The following VIT variants were observed in gnomAD, a reference collection of about 807,000 sequenced individuals.
VIT encodes vitrin.
In VIT, 99 loss-of-function variants were observed where a neutral mutation model predicts 78.0. That is an observed-to-expected ratio of 1.27 (90% confidence interval 1.08 to 1.50). The LOEUF is 1.50. Among genes scored for constraint, VIT ranks in the 40% most tolerant of loss-of-function variants. The probability of loss-of-function intolerance (pLI) is 0.00; values close to 1 mark genes in which losing one functional copy is unlikely to be tolerated. For missense variants in VIT, 1,126 were observed against 875.3 expected, an observed-to-expected ratio of 1.29 and a Z score of -3.61; for synonymous variants, 374 against 334.3, an observed-to-expected ratio of 1.12 and a Z score of -1.29.
At chr2:36,809,825 G>A (rs1036171360) in intron 15 of VIT, among the ~76,000 whole-genome samples, 4 of 152,072 alleles carry the variant, frequency 2.6e-5, no homozygotes, top group Non-Finnish European at 5.9e-5. Context: ...AAGGAATTTC[G>A]ATTCAAAATA....
rs1346000664 is a variant in VIT, at chr2:36,787,113, T to C, written c.911-16T>C. 3.7e-6 allele frequency: 6 copies of C among 1,613,950 alleles called. No individual in the cohort carries two copies. The South Asian group carries it at 5.5e-5, about 15-fold the overall frequency. ...GAGAGATCATGAGAATAATAGAGTCTTTTTCCGTTCCGCAGACTGCAAAAT... is the reference window on the plus strand; with the variant it reads ...GAGAGATCATGAGAATAATAGAGTCCTTTTCCGTTCCGCAGACTGCAAAAT... On this transcript the variant is annotated splice_polypyrimidine_tract_variant and intron_variant, in intron 11 of 15. Coordinates refer to ENST00000379242, the MANE Select transcript of VIT (RefSeq NM_053276.4).
intron 1 of VIT, among the ~76,000 whole-genome samples, chr2:36,702,519 G>C (rs1404406113): frequency 6.6e-6 from 1 of 152,140 alleles, no homozygotes; most frequent in African/African-American, 2.4e-5. Context: ...TGATATTCAA[G>C]CTTAAAGTCT....
At chr2:36,760,164 G>T (rs6544034) in intron 6 of VIT, among the ~76,000 whole-genome samples, 144,684 of 151,994 alleles carry the variant, frequency 0.95, 69,276 homozygotes, top group East Asian at 1. Context: ...CCGGCTAATA[G>T]TTGTATTTTT....
At chr2:36,698,748 A>G (rs540601170) in intron 1 of VIT, among the ~76,000 whole-genome samples, 1 of 152,284 alleles carries the variant, frequency 6.6e-6, no homozygotes. Context: ...GTTCGAGACC[A>G]GCCTGGCCAA....
At chr2:36,796,223 A>G (rs1285294844) in intron 12 of VIT, among the ~76,000 whole-genome samples, 6 of 152,196 alleles carry the variant, frequency 3.9e-5, no homozygotes, top group Non-Finnish European at 7.3e-5. Flanking sequence ...CTCAGCTAAT[A>G]TCTTATTATA....
At chr2:36,702,997 G>C (rs373717550) in intron 1 of VIT, among the ~76,000 whole-genome samples, 1 of 152,162 alleles carries the variant, frequency 6.6e-6, no homozygotes. Flanking sequence ...ACAACCCCAG[G>C]CTGACTCTGT....
At chr2:36,768,049 C>A (rs1386458261) in intron 7 of VIT, among the ~76,000 whole-genome samples, 1 of 152,192 alleles carries the variant, frequency 6.6e-6, no homozygotes, top group Non-Finnish European at 1.5e-5. Context: ...CTCCAGCTTG[C>A]AGTCACTACT....
chr2:36,787,090 G>C (rs1665149432), intron 11 of VIT, 39 bp from the exon 12 acceptor site: 2 of 1,611,188 alleles, frequency 1.2e-6, no homozygotes, highest in African/African-American at 1.3e-5. Flanking sequence ...AATGCAGTGA[G>C]AGATCATGAG....
intron 1 of VIT, among the ~76,000 whole-genome samples, chr2:36,700,958 A>G (rs1350065101): frequency 6.6e-6 from 1 of 151,904 alleles, no homozygotes; most frequent in Non-Finnish European, 1.5e-5. Context: ...GATGGAGCTC[A>G]GCTTCAAATC....
At chr2:36,779,414 A>G (rs1213478645) in intron 9 of VIT, among the ~76,000 whole-genome samples, 1 of 152,196 alleles carries the variant, frequency 6.6e-6, no homozygotes, top group African/African-American at 2.4e-5. Flanking sequence ...TGGCTTCTAC[A>G]TTTTTACCCC....
intron 9 of VIT, among the ~76,000 whole-genome samples, chr2:36,777,142 A>G (rs1018205620): frequency 1.0e-5 from 1 of 97,428 alleles, no homozygotes; most frequent in Non-Finnish European, 2.6e-5. Flanking sequence ...AAGTAAATTA[A>G]TAGTTAAACA....
In VIT at chr2:36,716,339, T is replaced by C; in HGVS notation, c.-18-14T>C. The C allele has an allele frequency of 6.2e-7, 1 of 1,610,408 alleles. No individual in the cohort carries two copies. On this transcript the variant is annotated splice_polypyrimidine_tract_variant and intron_variant, in intron 1 of 15. Coordinates refer to ENST00000379242, the MANE Select transcript of VIT (RefSeq NM_053276.4). ...GGCTGAAATATGATGACGTTATTGT[T>C]TCTTTCTCTCCAGGGTGTCATTCTG...
chr2:36,762,447 C>G (rs942689468), intron 6 of VIT, among the ~76,000 whole-genome samples: 1 of 152,116 alleles, frequency 6.6e-6, no homozygotes, highest in Non-Finnish European at 1.5e-5. Flanking sequence ...CTCCTACGTG[C>G]AAGACCCTGA....
intron 7 of VIT, among the ~76,000 whole-genome samples, chr2:36,768,329 G>C (rs1669557769): frequency 6.6e-6 from 1 of 152,152 alleles, no homozygotes; most frequent in African/African-American, 2.4e-5. Context: ...CTACTTGGGA[G>C]GCTGAAGCTG....
chr2:36,760,183 C>CG (rs1669025078), intron 6 of VIT, among the ~76,000 whole-genome samples: 1 of 151,880 alleles, frequency 6.6e-6, no homozygotes, highest in African/African-American at 2.4e-5. Flanking sequence ...TTAGTAGAGA[C>CG]GGGGTTTCAC....
intron 1 of VIT, among the ~76,000 whole-genome samples, chr2:36,714,060 G>C (rs866300330): frequency 1.5e-4 from 23 of 152,186 alleles, no homozygotes; most frequent in African/African-American, 5.6e-4. Flanking sequence ...GTAACCAGTG[G>C]CCAGCTACCT....
chr2:36,762,276 G>A (rs1669170743), intron 6 of VIT, among the ~76,000 whole-genome samples: 1 of 152,168 alleles, frequency 6.6e-6, no homozygotes, highest in African/African-American at 2.4e-5. Context: ...CATTGCTGAT[G>A]TCACTTGCCC....
At chr2:36,729,642 C>G in intron 3 of VIT, 151 bp downstream of exon 3, 1 of 759,646 alleles carries the variant, frequency 1.3e-6, no homozygotes, top group Non-Finnish European at 2.1e-6. Context: ...TAAGTCTTAT[C>G]CCCTACCACA....
chr2:36,707,979 T>C (rs749469270), intron 1 of VIT, among the ~76,000 whole-genome samples: 2 of 152,078 alleles, frequency 1.3e-5, no homozygotes, highest in Non-Finnish European at 2.9e-5. Context: ...TGGGGGATTG[T>C]AGTGATGACC....
Sources: allele counts gnomAD v4.1 joint callset (sites outside exome capture counted in the v4.1 genomes callset), GRCh38; gene constraint gnomAD v4.1.1; transcripts MANE v1.5; gene names NCBI Gene and HGNC (gene_info 2026-07-23, HGNC 2026-07-21).